Variants in SMC3 observed in about 807,000 individuals in gnomAD.
SMC3 encodes the protein structural maintenance of chromosomes protein 3.
Under a neutral mutation model 171.8 loss-of-function variants are expected in SMC3, and 20 were observed. The observed-to-expected ratio is 0.12, with a 90% CI of 0.08 to 0.17. The LOEUF (loss-of-function observed/expected upper bound fraction) is 0.17, where lower values mean the gene tolerates loss of function less well. SMC3 is among the 10% of genes least tolerant of loss of function. SMC3 has a pLI of 1.00. For missense variants in SMC3, 543 were observed against 1,420.4 expected (o/e 0.38, Z 9.93); for synonymous variants, 464 against 451.1 (o/e 1.03, Z -0.36).
In SMC3 at chr10:110,572,677, A is replaced by G. The variant is rs1244560204; in HGVS notation, c.92-1030A>G. On this transcript the variant is annotated intron_variant, in intron 2 of 28. Transcript: ENST00000361804. ...TAATATAGGCAGATGCTTTTGGACC[A>G]TGTAAATCTTGTGCTCCTTTTCAAA... 4.6e-5 allele frequency among the ~76,000 whole-genome samples: 7 copies of G among 152,260 alleles called. No individual in the cohort carries two copies. The South Asian group carries it at 1.0e-3, about 23-fold the overall frequency.
At position 110,580,906 on chromosome 10, in the gene SMC3, C is replaced by G; in HGVS notation, c.432C>G (p.Ile144Met). Residue 144 changes from isoleucine to methionine, a missense_variant and splice_region_variant, in exon 8 of 29, where the codon ATC (isoleucine) becomes ATG (methionine). Coordinates refer to ENST00000361804, the MANE Select transcript of SMC3 (RefSeq NM_005445.4). ...GATTATTTTTCTAAAAATTTTAGAT[C>G]AACCAGATGGCAACAGCACCAGATT... ...NPYYIVKQGK[I>M]NQMATAPDSQ... The G allele has an allele frequency of 6.4e-7, 1 of 1,568,998 alleles. No individual in the cohort carries two copies. Among genetic ancestry groups the G allele is most frequent in the East Asian group, 2.2e-5 (1 of 44,608 alleles).
rs1482500816 is a variant in SMC3, at chr10:110,567,741, G to A, written c.-76G>A. 15 of 1,573,718 alleles carry A rather than the reference G, an allele frequency of 9.5e-6. No individual in the cohort carries two copies. Among genetic ancestry groups the A allele is most frequent in the African/African-American group, 2.7e-5 (2 of 74,208 alleles). On this transcript the variant is annotated 5_prime_UTR_variant, in exon 1 of 29. Coordinates refer to ENST00000361804, the MANE Select transcript of SMC3 (RefSeq NM_005445.4). ...GGCGCTTTGGGGGAGGGGTCGCGTA[G>A]GCGCCTCACCTGACCCTGCGGCCGT...
chr10:110,593,146 A>G lies in SMC3; in HGVS notation c.1886A>G (p.Lys629Arg). The stretch of plus-strand genomic sequence containing the variant: ...AAAGCTTTCAAACATGTGTTTGGAA[A>G]GACTCTTATTTGTCGTAGCATGGAA... ...FDKAFKHVFGKTLICRSMEVS... is the reference protein window; with the variant it reads ...FDKAFKHVFGRTLICRSMEVS... The change falls in exon 18 of 29, where the codon AAG becomes AGG. Residue 629 changes from lysine to arginine, a missense_variant. Transcript: ENST00000361804. 2 of 1,614,068 alleles carry G rather than the reference A, an allele frequency of 1.2e-6. No individual in the cohort carries two copies. The highest frequency in any genetic ancestry group is 1.7e-6 in the Non-Finnish European group (2 of 1,179,870).
intron 28 of SMC3, among the ~76,000 whole-genome samples, chr10:110,603,520 G>C (rs1190144943): frequency 6.6e-6 from 1 of 152,134 alleles, no homozygotes; most frequent in Non-Finnish European, 1.5e-5. Flanking sequence ...TTTCTGTCCA[G>C]TCTATTCAAT....
chr10:110,577,812 T>C, intron 5 of SMC3, 23 bp from the exon 6 acceptor site: 1 of 1,539,798 alleles, frequency 6.5e-7, no homozygotes, highest in Non-Finnish European at 9.0e-7. Context: ...AAATTAACTG[T>C]GGGCTTTTAC....
chr10:110,582,201 C>T (rs1288480267), intron 9 of SMC3, 103 bp downstream of exon 9: 1 of 1,079,870 alleles, frequency 9.3e-7, no homozygotes, highest in East Asian at 2.4e-5. Context: ...TAAATAGAAA[C>T]TTAAAAAAAA....
chr10:110,583,255 A>G (rs1046396124), intron 10 of SMC3, 129 bp from the exon 11 acceptor site: 4 of 749,462 alleles, frequency 5.3e-6, no homozygotes, highest in Admixed American at 2.3e-5. Context: ...TACACAAGGG[A>G]GAGTTAGAGG....
Position 110,589,967 on chromosome 10 carries a change from A to G in SMC3, c.1485A>G (p.Gln495=), listed in dbSNP as rs1861181133. The G allele has an allele frequency of 1.2e-6, 2 of 1,613,900 alleles. No homozygotes were observed. Among genetic ancestry groups the G allele is most frequent in the Middle Eastern group, 1.7e-4 (1 of 6,058 alleles). Residue 495 remains glutamine (Q), a synonymous_variant, in exon 15 of 29, where the codon CAA becomes CAG. Transcript: ENST00000361804. ...GAGAAGATCTTGAAAAGAAGCAACA[A>G]CTTCTTAGAGCAGCAACAGGAAAGG... ...AKREDLEKKQ[Q]LLRAATGKAI...
At chr10:110,598,010 T>C in intron 19 of SMC3, 129 bp from the exon 20 acceptor site, 1 of 827,390 alleles carries the variant, frequency 1.2e-6, no homozygotes, top group Non-Finnish European at 2.0e-6. Context: ...TTTTGGTCCA[T>C]AAATTTGAGG....
intron 13 of SMC3, among the ~76,000 whole-genome samples, chr10:110,585,585 G>A (rs973984952): frequency 6.6e-6 from 1 of 151,446 alleles, no homozygotes; most frequent in African/African-American, 2.4e-5. Context: ...CACCATGCCC[G>A]GTGTAATTTT....
chr10:110,588,488 G>A (rs1272295634), intron 13 of SMC3, among the ~76,000 whole-genome samples: 2 of 152,202 alleles, frequency 1.3e-5, no homozygotes, highest in Non-Finnish European at 1.5e-5. Flanking sequence ...ACAGATGAAT[G>A]TAATTACTTT....
chr10:110,579,496 A>G (rs1017803333), intron 7 of SMC3, among the ~76,000 whole-genome samples: 2 of 152,276 alleles, frequency 1.3e-5, no homozygotes, highest in Non-Finnish European at 1.5e-5. Flanking sequence ...TTCTGCCCGT[A>G]TGCCATCCTT....
At chr10:110,592,954 C>T (rs755503382) in intron 17 of SMC3, 119 bp from the exon 18 acceptor site, 30 of 879,126 alleles carry the variant, frequency 3.4e-5, no homozygotes, top group Non-Finnish European at 5.0e-5. Flanking sequence ...AAACGCCAAT[C>T]GTTTTGAAAT....
chr10:110,584,470 T>G, intron 13 of SMC3, 74 bp downstream of exon 13: 2 of 1,077,178 alleles, frequency 1.9e-6, no homozygotes, highest in Non-Finnish European at 2.8e-6. Flanking sequence ...CTACTTCAAG[T>G]TTTCTTTTTA....
chr10:110,576,987 T>C (rs1289838454), intron 4 of SMC3, among the ~76,000 whole-genome samples: 1 of 152,184 alleles, frequency 6.6e-6, no homozygotes, highest in Non-Finnish European at 1.5e-5. Flanking sequence ...AAAATGAGAC[T>C]GTAAGAGAAA....
At chr10:110,575,485 G>C (rs1409642906) in intron 4 of SMC3, 82 bp downstream of exon 4, 1 of 1,016,842 alleles carries the variant, frequency 9.8e-7, no homozygotes, top group East Asian at 2.6e-5. Context: ...AAAAGCATTT[G>C]TTCAAGTTTC....
At chr10:110,596,964 A>T (rs903845040) in intron 19 of SMC3, among the ~76,000 whole-genome samples, 2 of 151,948 alleles carry the variant, frequency 1.3e-5, no homozygotes, top group Non-Finnish European at 1.5e-5. Context: ...CATATTGCTT[A>T]GAAGTCAAAT....
In SMC3 at chr10:110,601,136, T is replaced by A. The variant is rs201281088; in HGVS notation, c.2644+6T>A. 910 of 1,603,786 alleles carry A rather than the reference T, an allele frequency of 5.7e-4. 6 individuals carry two copies. The African/African-American group carries it at 0.011, about 19-fold the overall frequency. On this transcript the variant is annotated splice_donor_region_variant and intron_variant, in intron 23 of 28. Coordinates refer to ENST00000361804, the MANE Select transcript of SMC3 (RefSeq NM_005445.4). ...CACTATGGCACGATCAGAAGGTGAA[T>A]TTTTATGTAGTAAAATTTTGTTTAT...
intron 13 of SMC3, 142 bp from the exon 14 acceptor site, chr10:110,589,462 CA>C: frequency 1.6e-6 from 1 of 637,558 alleles, no homozygotes; most frequent in Non-Finnish European, 2.8e-6. Context: ...GTTTATTACC[CA>C]AAAGCGTTTT....
Sources: gnomAD v4.1 joint callset for allele counts (sites outside exome capture counted in the v4.1 genomes callset) on GRCh38, gnomAD v4.1.1 for gene constraint, MANE v1.5 for transcripts, NCBI Gene and HGNC (gene_info 2026-07-23, HGNC 2026-07-21) for gene names.